The following LOC400499 variants were observed in gnomAD, a reference collection of about 807,000 sequenced individuals.
the LOC400499 span, among the ~76,000 whole-genome samples, chr16:11,413,769 C>T: frequency 1.3e-5 from 2 of 152,206 alleles, no homozygotes; most frequent in African/African-American, 4.8e-5. Flanking sequence ...TAAGGATCTA[C>T]TCAGGCATTA....
At chr16:11,484,774 CAG>C in the LOC400499 span, 1 of 397,768 alleles carries the variant, frequency 2.5e-6, no homozygotes. Flanking sequence ...AAGGAGGAGG[CAG>C]AGTCAGAGTT....
the LOC400499 span, chr16:11,441,174 G>T: frequency 3.8e-5 from 15 of 397,870 alleles, no homozygotes; most frequent in African/African-American, 2.9e-4. Context: ...GAAGAAAGTA[G>T]TCCAAAGATT....
chr16:11,384,269 A>C, the LOC400499 span: 58 of 1,232,242 alleles, frequency 4.7e-5, no homozygotes, highest in Non-Finnish European at 5.9e-5. Flanking sequence ...CCATCCGGCA[A>C]CATCAGCTCA....
At chr16:11,502,061 C>G in the LOC400499 span, 1 of 399,074 alleles carries the variant, frequency 2.5e-6, no homozygotes, top group Middle Eastern at 6.3e-4. Context: ...ATCCCCCACC[C>G]GGAGAGGGAC....
chr16:11,387,644 T>C, the LOC400499 span, among the ~76,000 whole-genome samples: 1 of 152,110 alleles, frequency 6.6e-6, no homozygotes, highest in Non-Finnish European at 1.5e-5. Flanking sequence ...GGAAATTTTG[T>C]TTTTTAAGAA....
chr16:11,514,918 T>C, the LOC400499 span, among the ~76,000 whole-genome samples: 277 of 152,194 alleles, frequency 1.8e-3, no homozygotes, highest in African/African-American at 5.7e-3. Flanking sequence ...ACATGAACAA[T>C]GATCACTTCT....
At chr16:11,444,396 T>C in the LOC400499 span, among the ~76,000 whole-genome samples, 1 of 152,090 alleles carries the variant, frequency 6.6e-6, no homozygotes, top group Non-Finnish European at 1.5e-5. Flanking sequence ...AGCAAGACCC[T>C]GCCTCAAAAA....
the LOC400499 span, chr16:11,514,551 G>T: frequency 5.0e-6 from 2 of 400,044 alleles, no homozygotes; most frequent in South Asian, 2.5e-4. Flanking sequence ...TGCGGACCAA[G>T]AGGGGAAGGG....
the LOC400499 span, chr16:11,404,735 G>A: frequency 7.5e-6 from 3 of 398,922 alleles, no homozygotes; most frequent in Non-Finnish European, 8.8e-6. Context: ...TGGGCTTGGG[G>A]AAAGGCCCAG....
chr16:11,468,346 C>T, the LOC400499 span, among the ~76,000 whole-genome samples: 1 of 152,136 alleles, frequency 6.6e-6, no homozygotes, highest in East Asian at 1.9e-4. Context: ...TTTTGAGAGA[C>T]AGGGTCTTAC....
chr16:11,478,113 G>A, the LOC400499 span: 1 of 393,792 alleles, frequency 2.5e-6, no homozygotes, highest in Non-Finnish European at 4.5e-6. Context: ...AAGAGTTTGA[G>A]ACCAGCCTGG....
At chr16:11,399,473 TC>T in the LOC400499 span, 1 of 399,362 alleles carries the variant, frequency 2.5e-6, no homozygotes, top group African/African-American at 2.1e-5. Context: ...TGACCTCACC[TC>T]GTAGGTCAAG....
At chr16:11,383,241 G>A in the LOC400499 span, among the ~76,000 whole-genome samples, 1 of 152,008 alleles carries the variant, frequency 6.6e-6, no homozygotes, top group East Asian at 1.9e-4. Context: ...AATTTTTTTT[G>A]TATTTTTAGT....
the LOC400499 span, chr16:11,390,110 C>G: frequency 8.1e-7 from 1 of 1,232,210 alleles, no homozygotes; most frequent in Non-Finnish European, 1.0e-6. Context: ...GTTACCTGGC[C>G]GACAGGCTGT....
chr16:11,404,006 G>A, the LOC400499 span, among the ~76,000 whole-genome samples: 4 of 152,202 alleles, frequency 2.6e-5, no homozygotes, highest in Admixed American at 6.5e-5. Flanking sequence ...TGCTAGCCCC[G>A]CAGCTGCTGC....
the LOC400499 span, chr16:11,447,902 G>C: frequency 5.9e-6 from 9 of 1,519,094 alleles, no homozygotes; most frequent in African/African-American, 9.6e-5. Flanking sequence ...AAACTTGCAG[G>C]GGTGTCAGCT....
the LOC400499 span, among the ~76,000 whole-genome samples, chr16:11,384,557 C>A: frequency 6.6e-6 from 1 of 152,170 alleles, no homozygotes; most frequent in Non-Finnish European, 1.5e-5. Flanking sequence ...ATCCCCCGTC[C>A]CCTCCCCATG....
At chr16:11,496,522 C>T in the LOC400499 span, among the ~76,000 whole-genome samples, 3 of 152,066 alleles carry the variant, frequency 2.0e-5, no homozygotes, top group East Asian at 5.8e-4. Context: ...TGGGTGTGTA[C>T]GTTCCCACTT....
At chr16:11,526,244 A>G in the LOC400499 span, among the ~76,000 whole-genome samples, 1 of 152,224 alleles carries the variant, frequency 6.6e-6, no homozygotes, top group Non-Finnish European at 1.5e-5. Context: ...TTTAATTTTA[A>G]TTAAACAAAA....
Sources: gnomAD v4.1 joint callset for allele counts (sites outside exome capture counted in the v4.1 genomes callset) on GRCh38, gnomAD v4.1.1 for gene constraint, MANE v1.5 for transcripts.